The following OPCML variants were observed in gnomAD, a reference collection of about 807,000 sequenced individuals.
OPCML encodes the protein opioid binding protein/cell adhesion molecule like.
A neutral mutation model predicts 37.8 loss-of-function variants in OPCML; 13 were observed. That is an observed-to-expected ratio of 0.34 (90% confidence interval 0.22 to 0.55). The LOEUF (loss-of-function observed/expected upper bound fraction) is 0.55, where lower values mean the gene tolerates loss of function less well. OPCML is among the 20% of genes least tolerant of loss of function. OPCML has a pLI of 0.91. For missense variants in OPCML, 341 were observed against 435.6 expected (o/e 0.78, Z 1.93); for synonymous variants, 176 against 168.8 (o/e 1.04, Z -0.33).
At position 132,435,974 on chromosome 11, in the gene OPCML, G is replaced by A. The variant is rs562667094; in HGVS notation, c.916+112C>T. The A allele has an allele frequency of 1.2e-5, 13 of 1,056,108 alleles. No individual in the cohort carries two copies. In the African/African-American group the frequency reaches 1.9e-4, roughly 16 times the overall value. 65.4% of individuals were successfully genotyped at this position (1,056,108 alleles called of 1,614,324 possible). On this transcript the variant is annotated intron_variant, in intron 7 of 7. Coordinates refer to ENST00000524381, the MANE Select transcript of OPCML (RefSeq NM_001012393.5). ...AGTATGTCTTATCTACAGGTGGTGG[G>A]TTGAGTAGGATGGATGGACACAGGC... is the stretch of plus-strand genomic sequence containing the variant.
intron 3 of OPCML, among the ~76,000 whole-genome samples, chr11:132,577,575 G>T (rs1231483910): frequency 6.6e-6 from 1 of 152,066 alleles, no homozygotes; most frequent in East Asian, 1.9e-4. Context: ...CTACCGAAAG[G>T]TAACACAAAT....
rs772575879 is a variant in OPCML at position 133,456,059 on chromosome 11, CAT to C, written c.61+76203_61+76204del. 2.6e-5 allele frequency among the ~76,000 whole-genome samples: 4 copies of C among 152,134 alleles called. No individual in the cohort carries two copies. The East Asian group carries it at 7.7e-4, about 29-fold the overall frequency. ...TTGGAGCTCAGACAGAAAATGAAAA[CAT>C]TGTTTGTAACTCAGGCTGGTGGAAA... On this transcript the variant is annotated intron_variant, in intron 1 of 7. Coordinates refer to ENST00000524381, the MANE Select transcript of OPCML (RefSeq NM_001012393.5).
At chr11:132,619,513 T>C (rs1305936428) in intron 3 of OPCML, among the ~76,000 whole-genome samples, 1 of 151,922 alleles carries the variant, frequency 6.6e-6, no homozygotes, top group Non-Finnish European at 1.5e-5. Context: ...AGAAAACGGC[T>C]TGGAATAAAG....
intron 1 of OPCML, among the ~76,000 whole-genome samples, chr11:133,234,489 C>T (rs774886638): frequency 4.6e-5 from 7 of 152,196 alleles, no homozygotes; most frequent in Admixed American, 2.0e-4. Context: ...CAAGGAAAGG[C>T]GAATGGCCAG....
chr11:133,055,392 C>A (rs181417533), intron 1 of OPCML, among the ~76,000 whole-genome samples: 1,663 of 149,262 alleles, frequency 0.011, 36 homozygotes, highest in African/African-American at 0.04. Flanking sequence ...AGTGGTGAGA[C>A]CCCATGAGGG....
At chr11:132,783,774 G>A (rs1947111353) in intron 2 of OPCML, among the ~76,000 whole-genome samples, 1 of 152,096 alleles carries the variant, frequency 6.6e-6, no homozygotes, top group South Asian at 2.1e-4. Context: ...AAATCTAAGT[G>A]AGACAAAGTA....
intron 2 of OPCML, among the ~76,000 whole-genome samples, chr11:132,789,468 A>G (rs1438078166): frequency 6.6e-6 from 1 of 152,220 alleles, no homozygotes; most frequent in Non-Finnish European, 1.5e-5. Context: ...CTGAATTTAC[A>G]AGAGAATCAG....
At chr11:133,378,950 TCTCA>T (rs1239353009) in intron 1 of OPCML, among the ~76,000 whole-genome samples, 1 of 152,062 alleles carries the variant, frequency 6.6e-6, no homozygotes, top group African/African-American at 2.4e-5. Context: ...GAGACGGGGT[TCTCA>T]CTATGTTGCC....
chr11:133,252,514 G>A (rs1378249379), intron 1 of OPCML, among the ~76,000 whole-genome samples: 3 of 152,194 alleles, frequency 2.0e-5, no homozygotes, highest in African/African-American at 7.2e-5. Flanking sequence ...CTTAGCTGGA[G>A]ATGGGAAGCC....
chr11:133,378,744 T>C (rs1401661530), intron 1 of OPCML, among the ~76,000 whole-genome samples: 1 of 151,596 alleles, frequency 6.6e-6, no homozygotes, highest in Non-Finnish European at 1.5e-5. Context: ...TTTTGTTTTG[T>C]TTTCTGGAGA....
intron 3 of OPCML, among the ~76,000 whole-genome samples, chr11:132,589,281 A>G (rs554048426): frequency 6.6e-6 from 1 of 152,342 alleles, no homozygotes; most frequent in Non-Finnish European, 1.5e-5. Flanking sequence ...TTAATAAAGA[A>G]CACTTTGGTA....
chr11:132,499,151 C>A (rs2096240426), intron 4 of OPCML, among the ~76,000 whole-genome samples: 1 of 152,170 alleles, frequency 6.6e-6, no homozygotes, highest in African/African-American at 2.4e-5. Flanking sequence ...CCCCTAGGGA[C>A]TAATGGTAGA....
chr11:133,082,912 A>C (rs1383461648), intron 1 of OPCML, among the ~76,000 whole-genome samples: 1 of 149,974 alleles, frequency 6.7e-6, no homozygotes, highest in Non-Finnish European at 1.5e-5. Flanking sequence ...GACCGCCGCA[A>C]GGGGGCGCCA....
At chr11:132,627,189 A>T (rs1939801003) in intron 3 of OPCML, among the ~76,000 whole-genome samples, 1 of 152,140 alleles carries the variant, frequency 6.6e-6, no homozygotes, top group Non-Finnish European at 1.5e-5. Flanking sequence ...ATATTGAAAG[A>T]ATCATTATGA....
chr11:133,166,598 G>A (rs1449370571), intron 1 of OPCML, among the ~76,000 whole-genome samples: 4 of 152,178 alleles, frequency 2.6e-5, no homozygotes, highest in South Asian at 2.1e-4. Context: ...AAGATTTGCC[G>A]AGAATTGTGT....
At chr11:133,348,803 C>G (rs1944060524) in intron 1 of OPCML, among the ~76,000 whole-genome samples, 1 of 152,112 alleles carries the variant, frequency 6.6e-6, no homozygotes, top group African/African-American at 2.4e-5. Context: ...GTGGGACAGA[C>G]TTCATCGATA....
intron 2 of OPCML, among the ~76,000 whole-genome samples, chr11:132,916,572 A>G (rs1944612732): frequency 6.6e-6 from 1 of 152,206 alleles, no homozygotes. Context: ...ATAAAAGAAG[A>G]TGCACCATGA....
chr11:133,199,087 C>T (rs532604168), intron 1 of OPCML, among the ~76,000 whole-genome samples: 12 of 152,202 alleles, frequency 7.9e-5, no homozygotes, highest in African/African-American at 2.9e-4. Context: ...AAGTGTTAAG[C>T]TGGCTAACTG....
At chr11:133,005,370 G>A (rs1193659604) in intron 1 of OPCML, 2 of 985,380 alleles carry the variant, frequency 2.0e-6, no homozygotes, top group South Asian at 9.4e-5. Context: ...TACAGCAAAT[G>A]CCGTTTCTCA....
Sources: allele counts gnomAD v4.1 joint callset (sites outside exome capture counted in the v4.1 genomes callset), GRCh38; gene constraint gnomAD v4.1.1; transcripts MANE v1.5; gene names NCBI Gene and HGNC (gene_info 2026-07-23, HGNC 2026-07-21).